The following RYR2 variants were observed in gnomAD, a reference collection of about 807,000 sequenced individuals.
The protein encoded by RYR2 is ryanodine receptor 2, also known as cardiac muscle ryanodine receptor-calcium release channel.
A neutral mutation model predicts 601.1 loss-of-function variants in RYR2; 227 were observed. The ratio of observed to expected loss-of-function variants is 0.38; its 90% CI spans 0.34 to 0.42. The LOEUF (loss-of-function observed/expected upper bound fraction) is 0.42. Among genes scored for constraint, RYR2 ranks in the 10% least tolerant of loss-of-function variants. The probability of loss-of-function intolerance (pLI) is 1.00; values close to 1 mark genes in which losing one functional copy is unlikely to be tolerated. For missense variants in RYR2, 4,646 were observed against 6,156.5 expected, an observed-to-expected ratio of 0.75 and a Z score of 8.21; for synonymous variants, 2,223 against 2,175.1, an observed-to-expected ratio of 1.02 and a Z score of -0.61.
chr1:237,388,053 C>G (rs757470779), intron 9 of RYR2, 34 bp from the exon 10 acceptor site: 2 of 1,572,590 alleles, frequency 1.3e-6, no homozygotes, highest in South Asian at 1.1e-5. Context: ...CTGACACTGA[C>G]AGTCCAGACC....
intron 15 of RYR2, among the ~76,000 whole-genome samples, 168 bp from the exon 16 acceptor site, chr1:237,456,432 G>A (rs1039684452): frequency 5.9e-5 from 9 of 152,286 alleles, no homozygotes; most frequent in African/African-American, 2.2e-4. Flanking sequence ...CATTTCACAT[G>A]CAAATGTGTG....
intron 76 of RYR2, among the ~76,000 whole-genome samples, chr1:237,729,683 C>A (rs1320643074): frequency 6.6e-6 from 1 of 152,182 alleles, no homozygotes; most frequent in Non-Finnish European, 1.5e-5. Flanking sequence ...TGATTCTTCT[C>A]ATCTGCACTG....
intron 88 of RYR2, among the ~76,000 whole-genome samples, chr1:237,780,149 G>A (rs1694978903): frequency 6.6e-6 from 1 of 152,184 alleles, no homozygotes; most frequent in African/African-American, 2.4e-5. Context: ...GTTTGTTCAA[G>A]TCTTTATAGA....
rs1406791336 is a variant in RYR2 at position 237,732,132 on chromosome 1, A to G, written c.11022A>G (p.Thr3674=). The G allele has an allele frequency of 1.2e-6, 2 of 1,607,304 alleles. No homozygotes were observed. The highest frequency in any genetic ancestry group is 1.1e-5 in the South Asian group (1 of 90,642). ...LHQLILLFSR[T]ALTEKCKLEE... ...AGCTGATCCTTCTGTTTAGTCGGAC[A>G]GCTTTAACAGAGAAATGGTATGGTT... Residue 3674 remains threonine (T), a synonymous_variant, in exon 78 of 105, where the codon ACA becomes ACG. Coordinates refer to ENST00000366574, the MANE Select transcript of RYR2 (RefSeq NM_001035.3).
intron 1 of RYR2, among the ~76,000 whole-genome samples, chr1:237,107,635 G>A (rs912299774): frequency 1.3e-5 from 2 of 151,886 alleles, no homozygotes; most frequent in African/African-American, 2.4e-5. Context: ...TGAAGCTTCC[G>A]ATTCCTGGCT....
intron 12 of RYR2, among the ~76,000 whole-genome samples, chr1:237,437,445 T>C (rs1707515701): frequency 6.6e-6 from 1 of 152,186 alleles, no homozygotes. Context: ...GAGTAGTTTG[T>C]CAGCACAGTT....
intron 98 of RYR2, 104 bp downstream of exon 98, chr1:237,802,020 C>A: frequency 1.5e-6 from 1 of 661,518 alleles, no homozygotes; most frequent in Non-Finnish European, 2.7e-6. Context: ...TTTCGAATAC[C>A]AATTCATTTC....
At chr1:237,107,271 G>T (rs775058989) in intron 1 of RYR2, among the ~76,000 whole-genome samples, 2 of 151,992 alleles carry the variant, frequency 1.3e-5, no homozygotes, top group Non-Finnish European at 2.9e-5. Flanking sequence ...AGAAAACATT[G>T]TAGGTTCTGG....
chr1:237,805,466 A>C (rs1660516531), intron 98 of RYR2, among the ~76,000 whole-genome samples: 1 of 151,266 alleles, frequency 6.6e-6, no homozygotes, highest in South Asian at 2.1e-4. Flanking sequence ...TTGTAGTCCC[A>C]GCTACTCGGG....
At chr1:237,815,869 G>A (rs914113956) in intron 100 of RYR2, among the ~76,000 whole-genome samples, 1 of 152,138 alleles carries the variant, frequency 6.6e-6, no homozygotes, top group African/African-American at 2.4e-5. Context: ...AATGCAACAA[G>A]TTGGCACATT....
chr1:237,057,366 T>G (rs1662291114), intron 1 of RYR2, among the ~76,000 whole-genome samples: 1 of 152,088 alleles, frequency 6.6e-6, no homozygotes, highest in Non-Finnish European at 1.5e-5. Context: ...TCTGTATTTT[T>G]AGTAGAGATG....
intron 2 of RYR2, among the ~76,000 whole-genome samples, chr1:237,315,101 G>A (rs577026419): frequency 6.6e-6 from 1 of 151,984 alleles, no homozygotes; most frequent in Non-Finnish European, 1.5e-5. Flanking sequence ...GGATCTTTCC[G>A]GTTAGTAACC....
At chr1:237,408,608 AGT>A (rs1704141177) in intron 10 of RYR2, among the ~76,000 whole-genome samples, 1 of 152,038 alleles carries the variant, frequency 6.6e-6, no homozygotes, top group Non-Finnish European at 1.5e-5. Context: ...GAAATCAGAT[AGT>A]GTCAGTCTCC....
chr1:237,356,370 A>G (rs1699293537), intron 4 of RYR2, among the ~76,000 whole-genome samples: 1 of 151,638 alleles, frequency 6.6e-6, no homozygotes, highest in Non-Finnish European at 1.5e-5. Flanking sequence ...TAGTCCTTAT[A>G]TTTCTGCATG....
intron 41 of RYR2, among the ~76,000 whole-genome samples, chr1:237,629,504 G>C (rs908247029): frequency 6.6e-6 from 1 of 151,928 alleles, no homozygotes; most frequent in African/African-American, 2.4e-5. Flanking sequence ...CTGGAAGATA[G>C]GATGTTAAAC....
At chr1:237,221,309 C>T (rs1683778486) in intron 1 of RYR2, among the ~76,000 whole-genome samples, 1 of 152,172 alleles carries the variant, frequency 6.6e-6, no homozygotes, top group Non-Finnish European at 1.5e-5. Flanking sequence ...AGCTAAACCT[C>T]ACTTCCACTT....
intron 87 of RYR2, 92 bp from the exon 88 acceptor site, chr1:237,778,574 A>G: frequency 1.7e-6 from 1 of 583,028 alleles, no homozygotes; most frequent in Non-Finnish European, 3.1e-6. Context: ...GAAATATATC[A>G]GCACTAAGTC....
Position 237,392,832 on chromosome 1 carries a change from G to A in RYR2, c.773+4649G>A, listed in dbSNP as rs996643731. On this transcript the variant is annotated intron_variant, in intron 10 of 104. Transcript: ENST00000366574. ...AAAGCATTATTTATGTTAAAAACAG[G>A]TTTGCAATGTCGAAACTTTTTATTG... is the stretch of plus-strand genomic sequence containing the variant. 1.2e-4 allele frequency among the ~76,000 whole-genome samples: 18 copies of A among 152,252 alleles called. 1 individual carries two copies. The highest frequency in any genetic ancestry group is 2.1e-4 in the South Asian group (1 of 4,828).
chr1:237,387,490 A>G, intron 9 of RYR2, 110 bp downstream of exon 9: 1 of 946,426 alleles, frequency 1.1e-6, no homozygotes, highest in South Asian at 1.5e-5. Flanking sequence ...GTCTGTGTCT[A>G]AATATTCTGT....
Sources: allele counts gnomAD v4.1 joint callset (sites outside exome capture counted in the v4.1 genomes callset), GRCh38; gene constraint gnomAD v4.1.1; transcripts MANE v1.5; gene names NCBI Gene and HGNC (gene_info 2026-07-23, HGNC 2026-07-21).